Variants in ZFYVE9 observed in about 807,000 individuals in gnomAD.
The protein encoded by ZFYVE9 is zinc finger FYVE-type containing 9.
ZFYVE9 carries 43 observed loss-of-function variants against 126.7 expected under a neutral mutation model. That is an observed-to-expected ratio of 0.34 (90% CI 0.27 to 0.44). The LOEUF (loss-of-function observed/expected upper bound fraction) is 0.44, where lower values mean the gene tolerates loss of function less well. Ranked by LOEUF, ZFYVE9 falls within the 20% of genes least tolerant of loss-of-function variation. The probability of loss-of-function intolerance (pLI) is 1.00; values close to 1 mark genes in which losing one functional copy is unlikely to be tolerated. For synonymous variants in ZFYVE9, 521 were observed against 597.4 expected, an observed-to-expected ratio of 0.87 and a Z score of 1.87; for missense variants, 1,476 against 1,697.0, an observed-to-expected ratio of 0.87 and a Z score of 2.29.
chr1:52,342,911 A>ATT (rs554181716), intron 17 of ZFYVE9, among the ~76,000 whole-genome samples: 2 of 138,518 alleles, frequency 1.4e-5, no homozygotes, highest in African/African-American at 5.3e-5. Context: ...AGGCAAATTA[A>ATT]TTTTTTTTTT....
Position 52,186,233 on chromosome 1 carries a change from C to G in ZFYVE9, c.-142-30136C>G, listed in dbSNP as rs533321449. 4.1e-5 allele frequency among the ~76,000 whole-genome samples: 6 copies of G among 145,636 alleles called. No individual in the cohort carries two copies. The East Asian group carries it at 7.9e-4, about 19-fold the overall frequency. On this transcript the variant is annotated intron_variant, in intron 1 of 18. Coordinates refer to ENST00000287727, the MANE Select transcript of ZFYVE9 (RefSeq NM_004799.4). ...CCAGCCTGGGTGACAGAGCGAGACT[C>G]TGTCTCAAAAAAAAAAAAACAAAAC...
intron 12 of ZFYVE9, among the ~76,000 whole-genome samples, chr1:52,302,584 C>T (rs1204160053): frequency 6.6e-6 from 1 of 152,044 alleles, no homozygotes; most frequent in Non-Finnish European, 1.5e-5. Context: ...AACCCCATCT[C>T]TACTAAAAAT....
In ZFYVE9 at chr1:52,162,266, C is replaced by T. The variant is rs142523850; in HGVS notation, c.-143+19863C>T. ...AGGAGAAGGTGATCATCTTCTGTAC[C>T]GGTAATCATAGTCTTCATATCTGTC... On this transcript the variant is annotated intron_variant, in intron 1 of 18. Coordinates refer to ENST00000287727, the MANE Select transcript of ZFYVE9 (RefSeq NM_004799.4). The T allele has an allele frequency of 1.6e-4, 52 of 315,798 alleles. No homozygotes were observed. The East Asian group carries it at 3.1e-3, about 19-fold the overall frequency. The allele number at this position is 315,798 out of a possible 1,614,324, so 19.6% of individuals were successfully genotyped here. A position where few individuals can be genotyped will look rare whatever the true frequency, so the allele number is the denominator to read the frequency against.
intron 3 of ZFYVE9, among the ~76,000 whole-genome samples, chr1:52,237,190 A>G (rs979019647): frequency 5.9e-5 from 9 of 152,092 alleles, no homozygotes; most frequent in Admixed American, 3.9e-4. Context: ...GCTTTGCTCA[A>G]TCCAAGGGTG....
At chr1:52,266,916 T>TA (rs1645639493) in intron 6 of ZFYVE9, 85 bp downstream of exon 6, 1 of 1,274,436 alleles carries the variant, frequency 7.8e-7, no homozygotes, top group Admixed American at 2.9e-5. Context: ...GCACAAGTCT[T>TA]AAAAAACACT....
chr1:52,196,771 A>G (rs1028803486), intron 1 of ZFYVE9, among the ~76,000 whole-genome samples: 2 of 152,182 alleles, frequency 1.3e-5, no homozygotes, highest in Non-Finnish European at 2.9e-5. Context: ...AAATCTCAGC[A>G]TTTATTCACA....
At chr1:52,325,895 A>G (rs1569761921) in intron 13 of ZFYVE9, among the ~76,000 whole-genome samples, 1 of 152,254 alleles carries the variant, frequency 6.6e-6, no homozygotes, top group East Asian at 1.9e-4. Context: ...TGTTAACTGA[A>G]AGATGGATTA....
chr1:52,192,981 A>G (rs1450738784), intron 1 of ZFYVE9, among the ~76,000 whole-genome samples: 1 of 152,138 alleles, frequency 6.6e-6, no homozygotes, highest in Non-Finnish European at 1.5e-5. Context: ...GATAGGTACT[A>G]TTATTATTAT....
At chr1:52,224,889 G>A (rs748915425) in intron 2 of ZFYVE9, among the ~76,000 whole-genome samples, 8 of 152,072 alleles carry the variant, frequency 5.3e-5, no homozygotes, top group Non-Finnish European at 7.3e-5. Context: ...TCCCACTGGA[G>A]GTTTCTTGCA....
At chr1:52,319,358 C>G (rs1044796784) in intron 13 of ZFYVE9, among the ~76,000 whole-genome samples, 5 of 152,252 alleles carry the variant, frequency 3.3e-5, no homozygotes, top group Admixed American at 6.5e-5. Flanking sequence ...GGCACAGTGG[C>G]TCACACCTGT....
intron 1 of ZFYVE9, among the ~76,000 whole-genome samples, chr1:52,203,341 TC>T (rs1253122604): frequency 5.9e-5 from 9 of 151,892 alleles, no homozygotes; most frequent in African/African-American, 1.9e-4. Flanking sequence ...GCCACTACCG[TC>T]CGGCTAATTT....
At chr1:52,260,617 G>T (rs1645569095) in intron 4 of ZFYVE9, among the ~76,000 whole-genome samples, 1 of 152,096 alleles carries the variant, frequency 6.6e-6, no homozygotes, top group Admixed American at 6.5e-5. Flanking sequence ...AGGAGTTCAA[G>T]ACCAGCCTGA....
intron 11 of ZFYVE9, among the ~76,000 whole-genome samples, chr1:52,294,717 A>G (rs1645956557): frequency 6.6e-6 from 1 of 152,238 alleles, no homozygotes; most frequent in African/African-American, 2.4e-5. Context: ...CTTGGACCAG[A>G]GTGCCTCTGG....
At chr1:52,175,119 G>C (rs1415398337) in intron 1 of ZFYVE9, among the ~76,000 whole-genome samples, 1 of 151,920 alleles carries the variant, frequency 6.6e-6, no homozygotes, top group African/African-American at 2.4e-5. Context: ...TTACATTTTG[G>C]CATGATTTTG....
At chr1:52,145,426 A>G (rs1421890616) in intron 1 of ZFYVE9, among the ~76,000 whole-genome samples, 1 of 152,172 alleles carries the variant, frequency 6.6e-6, no homozygotes, top group African/African-American at 2.4e-5. Context: ...TTAAGTTCTT[A>G]TGTTCCTAAA....
intron 3 of ZFYVE9, 150 bp downstream of exon 3, chr1:52,233,426 T>A (rs1338175909): frequency 2.3e-6 from 1 of 433,348 alleles, no homozygotes; most frequent in Non-Finnish European, 3.8e-6. Context: ...GAAATAACAT[T>A]TTTTAGCACT....
intron 13 of ZFYVE9, among the ~76,000 whole-genome samples, chr1:52,322,377 CTTTT>C (rs113375062): frequency 1.7e-5 from 2 of 119,478 alleles, no homozygotes. Context: ...GTGGTCTTTT[CTTTT>C]TTTTTTTTTT....
intron 1 of ZFYVE9, among the ~76,000 whole-genome samples, chr1:52,184,238 T>TA: frequency 6.8e-6 from 1 of 146,494 alleles, no homozygotes; most frequent in African/African-American, 2.5e-5. Flanking sequence ...TATATATATA[T>TA]TTTGAGATGG....
intron 8 of ZFYVE9, among the ~76,000 whole-genome samples, chr1:52,276,831 A>G (rs147181014): frequency 1.2e-3 from 186 of 152,326 alleles, no homozygotes; most frequent in African/African-American, 4.2e-3. Context: ...ATTGCAATTT[A>G]GATATTATAT....
Sources: allele counts gnomAD v4.1 joint callset (sites outside exome capture counted in the v4.1 genomes callset), GRCh38; gene constraint gnomAD v4.1.1; transcripts MANE v1.5; gene names NCBI Gene and HGNC (gene_info 2026-07-23, HGNC 2026-07-21).